FILIP1: variants seen among roughly 807,000 people sequenced by gnomAD.
The protein encoded by FILIP1 is filamin-A-interacting protein 1.
Under a neutral mutation model 102.1 loss-of-function variants are expected in FILIP1, and 61 were observed. The ratio of observed to expected loss-of-function variants is 0.60; its 90% CI spans 0.49 to 0.74. The LOEUF (loss-of-function observed/expected upper bound fraction) is 0.74, where lower values mean the gene tolerates loss of function less well. Among genes scored for constraint, FILIP1 ranks in the 30% least tolerant of loss-of-function variants. The pLI is 0.00. For synonymous variants in FILIP1, 491 were observed against 526.9 expected, an observed-to-expected ratio of 0.93 and a Z score of 0.93; for missense variants, 1,314 against 1,441.2, an observed-to-expected ratio of 0.91 and a Z score of 1.43.
intron 2 of FILIP1, among the ~76,000 whole-genome samples, chr6:75,411,575 A>G (rs1777071922): frequency 6.6e-6 from 1 of 152,104 alleles, no homozygotes; most frequent in African/African-American, 2.4e-5. Context: ...TCTTTAATCC[A>G]TCGAGTTAAT....
At position 75,459,650 on chromosome 6, in the gene FILIP1, A is replaced by G. The variant is rs543396366; in HGVS notation, c.-7+33764T>C. Among the ~76,000 whole-genome samples the G allele has an allele frequency of 2.0e-5, 3 of 152,248 alleles. No individual in the cohort carries two copies. The South Asian group carries it at 6.2e-4, about 32-fold the overall frequency. On this transcript the variant is annotated intron_variant, in intron 1 of 5. Coordinates refer to ENST00000237172, the MANE Select transcript of FILIP1 (RefSeq NM_015687.5). ...ATCTTCTTGAAACATCCACCTTATC[A>G]TTGTTATTTATATTAACATCTACAT...
At chr6:75,465,637 G>A (rs1779140175) in intron 1 of FILIP1, 1 of 317,320 alleles carries the variant, frequency 3.2e-6, no homozygotes, top group Non-Finnish European at 5.8e-6. Flanking sequence ...TTCCACAGTA[G>A]TATATTTTCC....
At chr6:75,413,562 A>G (rs886493176) in intron 2 of FILIP1, among the ~76,000 whole-genome samples, 2 of 152,100 alleles carry the variant, frequency 1.3e-5, no homozygotes. Context: ...CACAGATGAT[A>G]ACAGGAACAG....
At chr6:75,491,505 T>C (rs1036275568) in intron 1 of FILIP1, among the ~76,000 whole-genome samples, 1 of 152,116 alleles carries the variant, frequency 6.6e-6, no homozygotes, top group Non-Finnish European at 1.5e-5. Flanking sequence ...GGCAAGATGA[T>C]TTGGATGGCA....
intron 4 of FILIP1, among the ~76,000 whole-genome samples, chr6:75,352,003 G>T (rs1582383919): frequency 6.6e-6 from 1 of 152,104 alleles, no homozygotes; most frequent in African/African-American, 2.4e-5. Flanking sequence ...AAAACCATAA[G>T]TCTGGGATAT....
chr6:75,446,375 TG>T (rs1284405540), intron 1 of FILIP1, among the ~76,000 whole-genome samples: 1 of 152,216 alleles, frequency 6.6e-6, no homozygotes, highest in Non-Finnish European at 1.5e-5. Context: ...TTATAGTAAT[TG>T]AATGCTGTGG....
chr6:75,312,665 T>C lies in FILIP1; in HGVS notation c.3167A>G (p.Asn1056Ser), dbSNP rs1773245418. ...GTCCTCTGTGGTTATGATATTGGCA[T>C]TGGAGTTGTATTTCCGTACTGGAGT... ...VPTPVRKYNS[N>S]ANIITTEDNK... The change falls in exon 5 of 6, where the codon AAT becomes AGT. Residue 1056 changes from asparagine (N) to serine (S), a missense_variant. Around this residue, in one of 3 missense-constraint regions of FILIP1, gnomAD observed 816 missense variants for 913.1 expected, o/e 0.89. Transcript: ENST00000237172. The C allele has an allele frequency of 1.9e-6, 3 of 1,614,062 alleles. No individual in the cohort carries two copies. Among genetic ancestry groups the C allele is most frequent in the African/African-American group, 2.7e-5 (2 of 74,918 alleles).
At chr6:75,460,233 A>G (rs1778978993) in intron 1 of FILIP1, among the ~76,000 whole-genome samples, 2 of 152,142 alleles carry the variant, frequency 1.3e-5, no homozygotes, top group Non-Finnish European at 2.9e-5. Context: ...GCTAACTAGA[A>G]CCCTCAAAGT....
At chr6:75,419,949 C>T (rs895863379) in intron 1 of FILIP1, among the ~76,000 whole-genome samples, 1 of 152,104 alleles carries the variant, frequency 6.6e-6, no homozygotes, top group Admixed American at 6.6e-5. Context: ...TGCAACAAGC[C>T]ACGTAAAATA....
At chr6:75,347,002 T>G (rs576779302) in intron 4 of FILIP1, among the ~76,000 whole-genome samples, 157 of 100,694 alleles carry the variant, frequency 1.6e-3, no homozygotes, top group African/African-American at 4.8e-3. Flanking sequence ...GTATGTCTTA[T>G]GACCAAGTGA....
At chr6:75,399,825 ATT>A (rs1474427515) in intron 2 of FILIP1, among the ~76,000 whole-genome samples, 1 of 152,186 alleles carries the variant, frequency 6.6e-6, no homozygotes, top group Non-Finnish European at 1.5e-5. Flanking sequence ...TTCATATGTT[ATT>A]TGTTTTTAAT....
intron 1 of FILIP1, among the ~76,000 whole-genome samples, chr6:75,478,898 C>G (rs1779564389): frequency 6.6e-6 from 1 of 152,132 alleles, no homozygotes; most frequent in Non-Finnish European, 1.5e-5. Context: ...TGATCCATGG[C>G]AAAGAGTTGT....
At chr6:75,327,634 T>C (rs1320719005) in intron 4 of FILIP1, among the ~76,000 whole-genome samples, 1 of 150,798 alleles carries the variant, frequency 6.6e-6, no homozygotes, top group Non-Finnish European at 1.5e-5. Context: ...ACTCTCCAGA[T>C]CTCCCTCATA....
At chr6:75,319,206 T>A in intron 4 of FILIP1, 6 of 756,208 alleles carry the variant, frequency 7.9e-6, no homozygotes, top group Admixed American at 7.4e-5. Context: ...TTTCTTGTTT[T>A]TCCTTCAGCT....
intron 2 of FILIP1, among the ~76,000 whole-genome samples, chr6:75,414,463 T>C (rs951096372): frequency 2.6e-5 from 4 of 152,100 alleles, no homozygotes; most frequent in Non-Finnish European, 5.9e-5. Flanking sequence ...AATGAAGAAA[T>C]TTTCTGCTTC....
At chr6:75,331,186 T>C (rs1774067010) in intron 4 of FILIP1, among the ~76,000 whole-genome samples, 1 of 152,172 alleles carries the variant, frequency 6.6e-6, no homozygotes, top group Non-Finnish European at 1.5e-5. Flanking sequence ...TGTTGTAAAA[T>C]AAATTGCTCA....
At chr6:75,484,420 CTG>C (rs1779727854) in intron 1 of FILIP1, among the ~76,000 whole-genome samples, 1 of 150,516 alleles carries the variant, frequency 6.6e-6, no homozygotes, top group Non-Finnish European at 1.5e-5. Flanking sequence ...TTTTAAAGTA[CTG>C]TCTTTTAAAG....
intron 4 of FILIP1, among the ~76,000 whole-genome samples, chr6:75,326,091 T>TAGAC (rs1773846122): frequency 3.1e-5 from 4 of 127,154 alleles, no homozygotes; most frequent in Admixed American, 7.8e-5. Context: ...GATAGATAGA[T>TAGAC]AGATTAGATA....
At chr6:75,452,753 A>T (rs1371791910) in intron 1 of FILIP1, among the ~76,000 whole-genome samples, 1 of 152,230 alleles carries the variant, frequency 6.6e-6, no homozygotes. Flanking sequence ...AAATACATCA[A>T]ACTACTCAGC....
Sources: gnomAD v4.1 joint callset for allele counts (sites outside exome capture counted in the v4.1 genomes callset) on GRCh38, gnomAD v4.1.1 for gene constraint, gnomAD v4.1.1 regional missense constraint, MANE v1.5 for transcripts, NCBI Gene and HGNC (gene_info 2026-07-23, HGNC 2026-07-21) for gene names.